MAP3K13: variants seen among roughly 807,000 people sequenced by gnomAD.
The protein encoded by MAP3K13 is mitogen-activated protein kinase kinase kinase 13, also known as leucine zipper-bearing kinase.
In MAP3K13, 52 loss-of-function variants were observed where a neutral mutation model predicts 104.0. That is an observed-to-expected ratio of 0.50 (90% confidence interval 0.40 to 0.63). The LOEUF is 0.63. Among genes scored for constraint, MAP3K13 ranks in the 20% least tolerant of loss-of-function variants. The probability of loss-of-function intolerance (pLI) is 0.00; values close to 1 mark genes in which losing one functional copy is unlikely to be tolerated. For missense variants in MAP3K13, 914 were observed against 1,218.5 expected (o/e 0.75, Z 3.72); for synonymous variants, 394 against 442.2 (o/e 0.89, Z 1.37).
intron 1 of MAP3K13, among the ~76,000 whole-genome samples, chr3:185,389,071 A>G (rs1307482349): frequency 6.6e-6 from 1 of 152,110 alleles, no homozygotes. Flanking sequence ...TCTCTGCGTT[A>G]AACAAAATAA....
chr3:185,362,150 G>A (rs959840538), upstream of MAP3K13, among the ~76,000 whole-genome samples: 5 of 152,152 alleles, frequency 3.3e-5, no homozygotes, highest in Non-Finnish European at 7.4e-5. Flanking sequence ...AACCACGATC[G>A]TTCTAGTTTC....
At chr3:185,459,532 C>T (rs1716973256) in intron 7 of MAP3K13, among the ~76,000 whole-genome samples, 1 of 152,098 alleles carries the variant, frequency 6.6e-6, no homozygotes, top group Non-Finnish European at 1.5e-5. Context: ...ACTGCAACCT[C>T]CACCTCCCAG....
intron 2 of MAP3K13, among the ~76,000 whole-genome samples, chr3:185,338,077 C>T (rs1468438149): frequency 6.6e-6 from 1 of 152,010 alleles, no homozygotes; most frequent in Non-Finnish European, 1.5e-5. Context: ...ACCTGTAATC[C>T]CAGCACTTTG....
In MAP3K13 at chr3:185,295,204, T is replaced by C. The variant is rs1276060039; in HGVS notation, c.-86+9561T>C. On this transcript the variant is annotated intron_variant, in intron 2 of 14. Coordinates refer to the MAP3K13 transcript ENST00000424227. ...AGGGTATTTGTTGTTGTTTTTGTTG[T>C]TGTTGTTGTTGTTGTTTTTGAGACG... 2.0e-5 allele frequency among the ~76,000 whole-genome samples: 3 copies of C among 151,904 alleles called. No individual in the cohort carries two copies. The East Asian group carries it at 5.8e-4, about 29-fold the overall frequency.
intron 1 of MAP3K13, among the ~76,000 whole-genome samples, chr3:185,386,318 C>A (rs186293986): frequency 1.5e-4 from 23 of 152,218 alleles, no homozygotes; most frequent in Admixed American, 1.1e-3. Flanking sequence ...AAAAAAATCT[C>A]AACATCACTG....
chr3:185,472,985 T>C lies in MAP3K13; in HGVS notation c.1654T>C (p.Leu552=), dbSNP rs1156432785. The C allele has an allele frequency of 1.2e-6, 2 of 1,613,864 alleles. No individual in the cohort carries two copies. Among genetic ancestry groups the C allele is most frequent in the East Asian group, 2.2e-5 (1 of 44,876 alleles). The part of the protein sequence containing the change: ...SGMQTKRPDL[L]RSEGIPTTEV... ...GTTCTTTCCTCCCAGGCCAGACTTG[T>C]TGAGATCAGAAGGGATCCCCACCAC... The change falls in exon 11 of 14, where the codon TTG becomes CTG. Residue 552 remains leucine, a synonymous_variant. Coordinates refer to ENST00000265026, the MANE Select transcript of MAP3K13 (RefSeq NM_004721.5).
rs183949273 is a variant in MAP3K13, at chr3:185,454,999, T to C, written c.1278+3604T>C. Among the ~76,000 whole-genome samples, 3 of 41,854 alleles carry C rather than the reference T, an allele frequency of 7.2e-5. 1 individual carries two copies. The highest frequency in any genetic ancestry group is 1.7e-4 in the African/African-American group (3 of 17,490). The allele number at this position is 41,854 out of a possible 152,430, so 27.5% of individuals were successfully genotyped here. The stretch of plus-strand genomic sequence containing the variant: ...TATGATATATATGAGATATATATGA[T>C]ATATATGAGATATATATGATATATA... On this transcript the variant is annotated intron_variant, in intron 7 of 13. Transcript: ENST00000265026.
chr3:185,474,586 T>G (rs980698381), intron 11 of MAP3K13, among the ~76,000 whole-genome samples: 7 of 152,212 alleles, frequency 4.6e-5, no homozygotes, highest in African/African-American at 1.7e-4. Context: ...ACAGCCTTTT[T>G]AAATTAACAT....
chr3:185,477,450 C>T, intron 12 of MAP3K13, 54 bp downstream of exon 12: 1 of 1,375,784 alleles, frequency 7.3e-7, no homozygotes, highest in Non-Finnish European at 1.0e-6. Context: ...AAAAAAAATC[C>T]TAAGTTTGCC....
chr3:185,430,985 G>A (rs1171094491), intron 2 of MAP3K13, among the ~76,000 whole-genome samples: 1 of 152,158 alleles, frequency 6.6e-6, no homozygotes, highest in African/African-American at 2.4e-5. Flanking sequence ...CAGGATCATG[G>A]CAGAAGGCGA....
At chr3:185,352,196 G>A (rs2108732072) in intron 2 of MAP3K13, among the ~76,000 whole-genome samples, 1 of 152,308 alleles carries the variant, frequency 6.6e-6, no homozygotes, top group East Asian at 1.9e-4. Context: ...TGTAATCCCA[G>A]CACTTTGGGA....
chr3:185,407,774 T>G lies in MAP3K13; in HGVS notation c.-85-20723T>G, dbSNP rs577123476. Among the ~76,000 whole-genome samples, 3 of 152,260 alleles carry G rather than the reference T, an allele frequency of 2.0e-5. No homozygotes were observed. The South Asian group carries it at 6.2e-4, about 32-fold the overall frequency. On this transcript the variant is annotated intron_variant, in intron 1 of 13. Transcript: ENST00000265026. Reference sequence around the variant, plus strand: ...TATTTGGTTTCTGTCCTTATAGTGTTGTCTTTTCTGTAAATGGATTTCATA... The same window carrying G: ...TATTTGGTTTCTGTCCTTATAGTGTGGTCTTTTCTGTAAATGGATTTCATA...
intron 2 of MAP3K13, among the ~76,000 whole-genome samples, chr3:185,437,140 TTGAC>T (rs1560105910): frequency 1.3e-5 from 2 of 151,376 alleles, no homozygotes; most frequent in East Asian, 3.9e-4. Flanking sequence ...GACGGGTAAA[TTGAC>T]TGACATGCAA....
chr3:185,470,077 G>C (rs1020089114), intron 10 of MAP3K13, among the ~76,000 whole-genome samples: 8 of 152,168 alleles, frequency 5.3e-5, no homozygotes, highest in Non-Finnish European at 1.0e-4. Flanking sequence ...ACTCTGCAGA[G>C]AAGGGCTGCT....
chr3:185,476,600 A>T (rs1577626486), intron 11 of MAP3K13: 1 of 152,370 alleles, frequency 6.6e-6, no homozygotes, highest in Non-Finnish European at 1.5e-5. Flanking sequence ...AAGGAAGATC[A>T]CCTCAGTCAG....
chr3:185,451,876 A>G (rs1479133991), intron 7 of MAP3K13, among the ~76,000 whole-genome samples: 2 of 151,882 alleles, frequency 1.3e-5, no homozygotes, highest in African/African-American at 4.8e-5. Context: ...TCAAAAAAAA[A>G]AAAAAAGAAA....
intron 2 of MAP3K13, among the ~76,000 whole-genome samples, chr3:185,353,547 A>G (rs1349626383): frequency 6.6e-6 from 1 of 152,190 alleles, no homozygotes; most frequent in East Asian, 1.9e-4. Flanking sequence ...TTTAGGCCAA[A>G]CTTAAATACA....
rs1040153581 is a variant in MAP3K13 at position 185,484,376 on chromosome 3, T to A, written c.*1920T>A. 7 of 152,224 alleles carry A rather than the reference T, an allele frequency of 4.6e-5. No homozygotes were observed. Among genetic ancestry groups the A allele is most frequent in the African/African-American group, 1.7e-4 (7 of 41,456 alleles). The allele number at this position is 152,224 out of a possible 1,614,324, so 9.4% of individuals were successfully genotyped here. A position where few individuals can be genotyped will look rare whatever the true frequency, so the allele number is the denominator to read the frequency against. ...TAGGTGTTGACCTAGTACCTGTCCCTGTCTCCAAGACAGATTACCGTCAAA... is the reference window on the plus strand; with the variant it reads ...TAGGTGTTGACCTAGTACCTGTCCCAGTCTCCAAGACAGATTACCGTCAAA... On this transcript the variant is annotated 3_prime_UTR_variant, in exon 14 of 14. Coordinates refer to ENST00000265026, the MANE Select transcript of MAP3K13 (RefSeq NM_004721.5).
chr3:185,409,857 G>A (rs1246099684), intron 1 of MAP3K13, among the ~76,000 whole-genome samples: 1 of 152,186 alleles, frequency 6.6e-6, no homozygotes, highest in Non-Finnish European at 1.5e-5. Flanking sequence ...TAGAGCAGCA[G>A]TCCCCAACCT....
Sources: gnomAD v4.1 joint callset for allele counts (sites outside exome capture counted in the v4.1 genomes callset) on GRCh38, gnomAD v4.1.1 for gene constraint, MANE v1.5 for transcripts, NCBI Gene and HGNC (gene_info 2026-07-23, HGNC 2026-07-21) for gene names.